DLEU7: variants seen among roughly 807,000 people sequenced by gnomAD.
The protein encoded by DLEU7 is leukemia-associated protein 7.
Under a neutral mutation model 16.0 loss-of-function variants are expected in DLEU7, and 17 were observed. The observed-to-expected ratio is 1.06, with a 90% CI of 0.73 to 1.59. DLEU7 has a LOEUF of 1.59. DLEU7 is among the 40% of genes most tolerant of loss of function. The probability of loss-of-function intolerance (pLI) is 0.00; values close to 1 mark genes in which losing one functional copy is unlikely to be tolerated. For synonymous variants in DLEU7, 113 were observed against 139.8 expected, an observed-to-expected ratio of 0.81 and a Z score of 1.35; for missense variants, 308 against 314.9, an observed-to-expected ratio of 0.98 and a Z score of 0.17.
chr13:50,748,856 TCTC>T (rs1874480281), intron 1 of DLEU7, among the ~76,000 whole-genome samples: 1 of 152,174 alleles, frequency 6.6e-6, no homozygotes. Flanking sequence ...GCTGAAGCAG[TCTC>T]CTCTTTCATG....
At chr13:50,815,680 G>T (rs1278461246) in intron 1 of DLEU7, among the ~76,000 whole-genome samples, 1 of 152,086 alleles carries the variant, frequency 6.6e-6, no homozygotes, top group Non-Finnish European at 1.5e-5. Context: ...GAAGTAGACT[G>T]TCCCACAGGC....
intron 1 of DLEU7, among the ~76,000 whole-genome samples, chr13:50,779,825 A>C (rs894168526): frequency 6.6e-6 from 1 of 152,214 alleles, no homozygotes; most frequent in Admixed American, 6.5e-5. Flanking sequence ...GAAGGACTTC[A>C]GAGCCTTTAA....
In DLEU7 at chr13:50,823,506, A is replaced by G. The variant is rs1322220338; in HGVS notation, c.474T>C (p.Phe158=). Residue 158 remains phenylalanine, a synonymous_variant, in exon 2 of 2, where the codon TTT becomes TTC. Coordinates refer to ENST00000504404, the MANE Select transcript of DLEU7 (RefSeq NM_001306135.2). ...GAGCCAAATGACTGCAGATGTTTCT[A>G]AACTCAACACTATCCTGAAATGAAC... is the stretch of plus-strand genomic sequence containing the variant. ...FPIHLKDSVE[F]RNICSHLALQ... is the part of the protein sequence containing the mutation. 5.2e-6 allele frequency: 8 copies of G among 1,535,684 alleles called. No individual in the cohort carries two copies. The highest frequency in any genetic ancestry group is 7.0e-6 in the Non-Finnish European group (8 of 1,146,654).
chr13:50,747,889 T>G (rs956915084), intron 1 of DLEU7, among the ~76,000 whole-genome samples: 1 of 152,216 alleles, frequency 6.6e-6, no homozygotes, highest in African/African-American at 2.4e-5. Flanking sequence ...GGCTTCCAAT[T>G]TTTTTGCAAA....
intron 1 of DLEU7, among the ~76,000 whole-genome samples, chr13:50,772,233 T>C (rs887690771): frequency 2.0e-5 from 3 of 152,220 alleles, no homozygotes; most frequent in African/African-American, 7.2e-5. Flanking sequence ...TGCCAGTCTG[T>C]GTCTTTTAAT....
intron 1 of DLEU7, among the ~76,000 whole-genome samples, chr13:50,839,017 C>T (rs983885874): frequency 6.6e-6 from 1 of 152,166 alleles, no homozygotes; most frequent in Non-Finnish European, 1.5e-5. Context: ...ATTTAAGTCA[C>T]CCCGTCTTTG....
At chr13:50,843,849 G>T (rs528374357), upstream of DLEU7, 1 of 644,230 alleles carries the variant, frequency 1.6e-6, no homozygotes, top group African/African-American at 1.9e-5. The surrounding 1 kb of genome is among the most constrained non-coding windows in gnomAD (Gnocchi z 5.7). Flanking sequence ...TCCGAATCAG[G>T]CGTGTTCTGA....
intron 1 of DLEU7, chr13:50,808,592 T>C (rs986761828): frequency 3.3e-5 from 5 of 152,090 alleles, no homozygotes; most frequent in African/African-American, 1.2e-4. Flanking sequence ...GATGAATAAA[T>C]AGATAGAAGG....
intron 1 of DLEU7, among the ~76,000 whole-genome samples, chr13:50,768,255 T>G (rs1875179473): frequency 6.6e-6 from 1 of 152,156 alleles, no homozygotes; most frequent in Non-Finnish European, 1.5e-5. Flanking sequence ...CTATATAGAA[T>G]TTCAAGTTGG....
At chr13:50,735,604 A>G (rs151277210) in intron 1 of DLEU7, among the ~76,000 whole-genome samples, 373 of 152,142 alleles carry the variant, frequency 2.5e-3, no homozygotes, top group African/African-American at 6.3e-3. Flanking sequence ...AATATTATAA[A>G]CTATGCATCT....
downstream of DLEU7, among the ~76,000 whole-genome samples, chr13:50,821,937 C>G (rs201562227): frequency 2.0e-5 from 3 of 152,178 alleles, no homozygotes; most frequent in East Asian, 5.8e-4. Flanking sequence ...AGATTATTCT[C>G]AAGAAATAAA....
At chr13:50,806,911 C>T (rs1385917203) in intron 1 of DLEU7, among the ~76,000 whole-genome samples, 1 of 145,054 alleles carries the variant, frequency 6.9e-6, no homozygotes, top group Non-Finnish European at 1.5e-5. Context: ...CCATTGCACT[C>T]CAGCCTGGGT....
At chr13:50,728,073 G>A (rs1465920691) in intron 1 of DLEU7, among the ~76,000 whole-genome samples, 1 of 152,186 alleles carries the variant, frequency 6.6e-6, no homozygotes, top group Non-Finnish European at 1.5e-5. Flanking sequence ...TGCACCTCAG[G>A]CTGCAGATGT....
intron 1 of DLEU7, among the ~76,000 whole-genome samples, chr13:50,816,910 C>T (rs1019338543): frequency 1.3e-5 from 2 of 151,948 alleles, no homozygotes; most frequent in South Asian, 2.1e-4. Context: ...ACACACACGG[C>T]GCCAAGCTTT....
chr13:50,751,373 G>C (rs965591266), intron 1 of DLEU7, among the ~76,000 whole-genome samples: 1 of 152,106 alleles, frequency 6.6e-6, no homozygotes, highest in Non-Finnish European at 1.5e-5. Flanking sequence ...TTCATCAGGC[G>C]TATCAGTCTG....
At chr13:50,814,901 T>C (rs917094552) in intron 1 of DLEU7, among the ~76,000 whole-genome samples, 1 of 151,726 alleles carries the variant, frequency 6.6e-6, no homozygotes, top group African/African-American at 2.4e-5. Context: ...GTTATCGTCA[T>C]TTGGGTTGGG....
intron 1 of DLEU7, among the ~76,000 whole-genome samples, chr13:50,772,391 C>T (rs916083679): frequency 2.0e-5 from 3 of 152,170 alleles, no homozygotes; most frequent in African/African-American, 7.2e-5. Flanking sequence ...CATGTTTTTG[C>T]AGTGGCTGAT....
intron 1 of DLEU7, among the ~76,000 whole-genome samples, chr13:50,732,204 C>G (rs1240634570): frequency 1.3e-5 from 2 of 152,144 alleles, no homozygotes; most frequent in African/African-American, 4.8e-5. Flanking sequence ...AATTTTATCC[C>G]AGACCACAAG....
At chr13:50,836,959 A>C (rs1209647887) in intron 1 of DLEU7, among the ~76,000 whole-genome samples, 4 of 152,208 alleles carry the variant, frequency 2.6e-5, no homozygotes, top group African/African-American at 9.6e-5. Context: ...CCCCAACTTC[A>C]TTTGGTTCAT....
Sources: gnomAD v4.1 joint callset for allele counts (sites outside exome capture counted in the v4.1 genomes callset) on GRCh38, gnomAD v4.1.1 for gene constraint, Gnocchi (gnomAD v3.1) non-coding constraint, MANE v1.5 for transcripts, NCBI Gene and HGNC (gene_info 2026-07-23, HGNC 2026-07-21) for gene names.